Variants in ALMS1 observed in about 807,000 individuals in gnomAD.
ALMS1 encodes centrosome-associated protein ALMS1.
In ALMS1, 271 loss-of-function variants were observed where a neutral mutation model predicts 352.2. That is an observed-to-expected ratio of 0.77 (90% CI 0.70 to 0.85). The LOEUF (loss-of-function observed/expected upper bound fraction) is 0.85, where lower values mean the gene tolerates loss of function less well. Among genes scored for constraint, ALMS1 ranks in the 40% least tolerant of loss-of-function variants. ALMS1 has a pLI of 0.00. For missense variants in ALMS1, 5,445 were observed against 4,870.7 expected (o/e 1.12, Z -3.51); for synonymous variants, 1,865 against 1,761.2 (o/e 1.06, Z -1.48).
intron 16 of ALMS1, among the ~76,000 whole-genome samples, chr2:73,587,703 A>C (rs545335620): frequency 1.3e-5 from 2 of 152,328 alleles, no homozygotes; most frequent in South Asian, 2.1e-4. Flanking sequence ...GGACTTTTGC[A>C]TCTGTGTTCA....
rs533617405 is a variant in ALMS1, at chr2:73,572,360, G to A, written c.10483G>A (p.Asp3495Asn). ...TCCCGTACACCTACCAAGTGATCAA[G>A]ATATTTGCCATGAATCTTTGGGAAA... is the stretch of plus-strand genomic sequence containing the variant. ...HHPVHLPSDQ[D>N]ICHESLGKSV... The change falls in exon 16 of 23, where the codon GAT (aspartate) becomes AAT (asparagine). Residue 3495 changes from aspartate to asparagine, a missense_variant. By Grantham distance (23) the Asp-to-Asn change is conservative (BLOSUM62 1). Coordinates refer to ENST00000613296, the MANE Select transcript of ALMS1 (RefSeq NM_001378454.1). The A allele has an allele frequency of 1.9e-6, 3 of 1,609,158 alleles. No homozygotes were observed. Among genetic ancestry groups the A allele is most frequent in the African/African-American group, 1.3e-5 (1 of 74,806 alleles).
chr2:73,468,761 G>A (rs1306179330), intron 9 of ALMS1, among the ~76,000 whole-genome samples: 3 of 151,970 alleles, frequency 2.0e-5, no homozygotes, highest in Non-Finnish European at 2.9e-5. Context: ...GGATCATTCT[G>A]CCAATCTCTA....
intron 9 of ALMS1, among the ~76,000 whole-genome samples, chr2:73,485,104 TC>T (rs1672800250): frequency 1.3e-5 from 2 of 152,258 alleles, no homozygotes; most frequent in African/African-American, 4.8e-5. Flanking sequence ...CCAGCTTTGT[TC>T]CATTGCTGGT....
In ALMS1 at chr2:73,452,502, A is replaced by T; in HGVS notation, c.5975A>T (p.His1992Leu). Reference sequence around the variant, plus strand: ...CTGTCTAGTTCCTACTCACATTCACATAAAGAGAAACTCAAGATTTCAACT... The same window carrying T: ...CTGTCTAGTTCCTACTCACATTCACTTAAAGAGAAACTCAAGATTTCAACT... ...IGLSSSYSHS[H>L]KEKLKISTVH... Residue 1992 changes from histidine (H) to leucine (L), a missense_variant, in exon 8 of 23, where the codon CAT becomes CTT. Transcript: ENST00000613296. 6.2e-7 allele frequency: 1 copy of T among 1,614,124 alleles called. No individual in the cohort carries two copies. Among genetic ancestry groups the T allele is most frequent in the Non-Finnish European group, 8.5e-7 (1 of 1,180,002 alleles).
intron 21 of ALMS1, among the ~76,000 whole-genome samples, chr2:73,607,324 AT>A (rs1675837957): frequency 6.6e-6 from 1 of 152,192 alleles, no homozygotes; most frequent in Non-Finnish European, 1.5e-5. Flanking sequence ...ATACTTCATA[AT>A]CTATTTAACT....
intron 9 of ALMS1, among the ~76,000 whole-genome samples, chr2:73,484,785 T>C (rs1467570959): frequency 6.6e-6 from 1 of 152,162 alleles, no homozygotes; most frequent in Non-Finnish European, 1.5e-5. Context: ...TTTTTATTCT[T>C]TTTTCTCTAA....
Position 73,490,583 on chromosome 2 carries a change from A to G in ALMS1, c.8624A>G (p.Asp2875Gly). 2 of 1,614,098 alleles carry G rather than the reference A, an allele frequency of 1.2e-6. No individual in the cohort carries two copies. Among genetic ancestry groups the G allele is most frequent in the Non-Finnish European group, 1.7e-6 (2 of 1,179,986 alleles). The change falls in exon 10 of 23, where the codon GAT (aspartate) becomes GGT (glycine). Residue 2875 changes from aspartate to glycine, a missense_variant. Coordinates refer to ENST00000613296, the MANE Select transcript of ALMS1 (RefSeq NM_001378454.1). ...VKEKNVTITP[D>G]LPSCIFLEQR... Reference sequence around the variant, plus strand: ...GAGAAGAATGTAACTATAACTCCAGATCTTCCTTCTTGCATTTTTCTTGAA... The same window carrying G: ...GAGAAGAATGTAACTATAACTCCAGGTCTTCCTTCTTGCATTTTTCTTGAA...
At chr2:73,424,407 T>G in intron 4 of ALMS1, 23 bp from the exon 5 acceptor site, 2 of 1,392,482 alleles carry the variant, frequency 1.4e-6, no homozygotes, top group Non-Finnish European at 1.9e-6. Context: ...TTTATTTATT[T>G]ATTTTTAACT....
intron 12 of ALMS1, among the ~76,000 whole-genome samples, chr2:73,540,962 A>G (rs545642103): frequency 1.3e-5 from 2 of 152,358 alleles, no homozygotes; most frequent in African/African-American, 4.8e-5. Flanking sequence ...AGACAGATCA[A>G]TGAGACAGAA....
At position 73,522,431 on chromosome 2, in the gene ALMS1, A is replaced by C. The variant is rs540567976; in HGVS notation, c.9781+2415A>C. Among the ~76,000 whole-genome samples the C allele has an allele frequency of 4.6e-5, 7 of 151,552 alleles. No individual in the cohort carries two copies. The South Asian group carries it at 1.5e-3, about 32-fold the overall frequency. On this transcript the variant is annotated intron_variant, in intron 11 of 22. Transcript: ENST00000613296. ...CCTTTTTTCCTGATAGAGTGGTACA[A>C]ATATTCCTAAGTTGTCTCAGACTAA...
intron 1 of ALMS1, among the ~76,000 whole-genome samples, chr2:73,389,993 C>G (rs1026261549): frequency 1.3e-5 from 2 of 152,086 alleles, no homozygotes; most frequent in African/African-American, 4.8e-5. Flanking sequence ...GGCCTCTAAT[C>G]GTGAACTATC....
intron 16 of ALMS1, among the ~76,000 whole-genome samples, chr2:73,577,250 GTAGAATTCAC>G (rs1397201166): frequency 2.0e-5 from 3 of 152,056 alleles, no homozygotes; most frequent in Non-Finnish European, 4.4e-5. Context: ...TTAAATGTTG[GTAGAATTCAC>G]CAGTAAAGCC....
chr2:73,549,978 G>C (rs1213055381), intron 12 of ALMS1, among the ~76,000 whole-genome samples: 2 of 152,110 alleles, frequency 1.3e-5, no homozygotes, highest in African/African-American at 2.4e-5. Context: ...TCCTGCCTCA[G>C]CCTCCCAAGT....
At chr2:73,519,077 A>G (rs1328949889) in intron 10 of ALMS1, among the ~76,000 whole-genome samples, 1 of 152,174 alleles carries the variant, frequency 6.6e-6, no homozygotes, top group Non-Finnish European at 1.5e-5. Context: ...GATCACTTGG[A>G]TAAGGCAGTG....
chr2:73,496,289 C>T (rs749125937), intron 10 of ALMS1, among the ~76,000 whole-genome samples: 1 of 152,074 alleles, frequency 6.6e-6, no homozygotes, highest in African/African-American at 2.4e-5. Context: ...GGTCTGTATT[C>T]TTCCTTAGAG....
At position 73,572,905 on chromosome 2, in the gene ALMS1, G is replaced by A. The variant is rs1275803711; in HGVS notation, c.11028G>A (p.Lys3676=). Reference sequence around the variant, plus strand: ...AGCAGAGAAATAAGCTTCAGAAAAAGAAGCGGTTTAAAAGCCTAGAGAAAA... The same window carrying A: ...AGCAGAGAAATAAGCTTCAGAAAAAAAAGCGGTTTAAAAGCCTAGAGAAAA... ...RQQQRNKLQK[K]KRFKSLEKSH... The change falls in exon 16 of 23, where the codon AAG becomes AAA. Residue 3676 remains lysine (K), a synonymous_variant. Coordinates refer to ENST00000613296, the MANE Select transcript of ALMS1 (RefSeq NM_001378454.1). The A allele has an allele frequency of 1.7e-5, 27 of 1,613,946 alleles. No homozygotes were observed. The highest frequency in any genetic ancestry group is 2.3e-5 in the Non-Finnish European group (27 of 1,180,002).
chr2:73,541,228 C>T (rs981351059), intron 12 of ALMS1, among the ~76,000 whole-genome samples: 1 of 152,226 alleles, frequency 6.6e-6, no homozygotes, highest in African/African-American at 2.4e-5. Context: ...TCACTCAGAA[C>T]CGCTCGACTA....
chr2:73,580,717 G>A (rs953305446), intron 16 of ALMS1, among the ~76,000 whole-genome samples: 8 of 152,114 alleles, frequency 5.3e-5, no homozygotes, highest in Admixed American at 4.6e-4. Context: ...CCCTTCTCTA[G>A]GGTTTGTAGT....
At chr2:73,547,767 T>C (rs558373019) in intron 12 of ALMS1, among the ~76,000 whole-genome samples, 1 of 152,290 alleles carries the variant, frequency 6.6e-6, no homozygotes, top group South Asian at 2.1e-4. Flanking sequence ...GGTTTATAGA[T>C]GGGAAGGCGG....
Sources: allele counts gnomAD v4.1 joint callset (sites outside exome capture counted in the v4.1 genomes callset), GRCh38; gene constraint gnomAD v4.1.1; transcripts MANE v1.5; gene names NCBI Gene and HGNC (gene_info 2026-07-23, HGNC 2026-07-21).